Variants in UNC79 observed in about 807,000 individuals in gnomAD.
UNC79 encodes protein unc-79 homolog.
Under a neutral mutation model 283.1 loss-of-function variants are expected in UNC79, and 37 were observed. That is an observed-to-expected ratio of 0.13 (90% CI 0.10 to 0.17). The LOEUF (loss-of-function observed/expected upper bound fraction) is 0.17. UNC79 is among the 10% of genes least tolerant of loss of function. The pLI, the probability that UNC79 is intolerant of heterozygous loss-of-function variation, is 1.00. For missense variants in UNC79, 2,272 were observed against 3,211.1 expected (o/e 0.71, Z 7.07); for synonymous variants, 1,107 against 1,200.2 (o/e 0.92, Z 1.61).
chr14:93,337,085 T>G (rs1289266078), intron 1 of UNC79, among the ~76,000 whole-genome samples: 1 of 152,112 alleles, frequency 6.6e-6, no homozygotes, highest in Non-Finnish European at 1.5e-5. Context: ...GTCCACGACC[T>G]GGAGTGAGAA....
intron 1 of UNC79, among the ~76,000 whole-genome samples, chr14:93,445,191 A>G (rs2056427774): frequency 6.6e-6 from 1 of 152,222 alleles, no homozygotes; most frequent in African/African-American, 2.4e-5. Context: ...GTAGTTTAAA[A>G]AAAGAAAAAA....
intron 31 of UNC79, among the ~76,000 whole-genome samples, chr14:93,633,688 A>G (rs947570451): frequency 6.6e-6 from 1 of 152,212 alleles, no homozygotes; most frequent in African/African-American, 2.4e-5. Context: ...GAATAGGACC[A>G]GAGGAGACTG....
chr14:93,644,573 G>T (rs1245019019), intron 34 of UNC79, among the ~76,000 whole-genome samples: 2 of 152,076 alleles, frequency 1.3e-5, no homozygotes, highest in Non-Finnish European at 2.9e-5. Context: ...TGTAATGAGT[G>T]GAATGAGAGA....
At chr14:93,444,334 G>A (rs986657479) in intron 1 of UNC79, among the ~76,000 whole-genome samples, 8 of 151,994 alleles carry the variant, frequency 5.3e-5, no homozygotes, top group Non-Finnish European at 8.8e-5. Context: ...TATATATTCT[G>A]AATACAAGTT....
intron 7 of UNC79, among the ~76,000 whole-genome samples, chr14:93,517,093 G>C (rs1023762316): frequency 6.6e-6 from 1 of 151,652 alleles, no homozygotes; most frequent in South Asian, 2.1e-4. Flanking sequence ...GAGATTTTCT[G>C]TATACCTGAT....
chr14:93,435,553 T>G (rs2056054699), intron 1 of UNC79, among the ~76,000 whole-genome samples: 1 of 152,200 alleles, frequency 6.6e-6, no homozygotes, highest in African/African-American at 2.4e-5. Context: ...CCACAAACGT[T>G]TTTGGAAGTA....
intron 1 of UNC79, among the ~76,000 whole-genome samples, chr14:93,385,304 T>C (rs185600035): frequency 1.1e-3 from 164 of 152,340 alleles, no homozygotes; most frequent in Middle Eastern, 3.4e-3. Flanking sequence ...TCCATAAACA[T>C]GAAATCTCTT....
At chr14:93,496,501 A>G in intron 6 of UNC79, 35 bp downstream of exon 6, 1 of 1,448,248 alleles carries the variant, frequency 6.9e-7, no homozygotes, top group Non-Finnish European at 9.2e-7. Context: ...CATAGTCACA[A>G]ACTTAATTTG....
intron 1 of UNC79, among the ~76,000 whole-genome samples, chr14:93,415,625 A>T (rs1424358486): frequency 6.6e-6 from 1 of 152,034 alleles, no homozygotes; most frequent in East Asian, 1.9e-4. Flanking sequence ...CTCTGGTAGA[A>T]TTCGGCTGTG....
At chr14:93,445,387 C>T (rs1218193089) in intron 1 of UNC79, among the ~76,000 whole-genome samples, 1 of 152,122 alleles carries the variant, frequency 6.6e-6, no homozygotes, top group Non-Finnish European at 1.5e-5. Context: ...TTGTTCTTGA[C>T]CTTAGGTGGA....
intron 1 of UNC79, among the ~76,000 whole-genome samples, chr14:93,369,111 A>G (rs758995775): frequency 4.6e-5 from 7 of 152,236 alleles, no homozygotes; most frequent in Non-Finnish European, 8.8e-5. Flanking sequence ...AATGATTGCT[A>G]AATCACAACA....
chr14:93,607,680 T>G (rs942767258), intron 26 of UNC79, among the ~76,000 whole-genome samples: 4 of 152,124 alleles, frequency 2.6e-5, no homozygotes, highest in Non-Finnish European at 5.9e-5. Flanking sequence ...TATCCCCATC[T>G]CTCGTGGGAC....
chr14:93,593,701 C>G lies in UNC79; in HGVS notation c.3054C>G (p.Ser1018=), dbSNP rs143235409. Reference sequence around the variant, plus strand: ...CTAGCCTGTGGAGGGTCGTCAAATCCGAGTTCTCTCAGCTGTCTTCCCTGG... The same window carrying G: ...CTAGCCTGTGGAGGGTCGTCAAATCGGAGTTCTCTCAGCTGTCTTCCCTGG... Residue 1018 remains serine, a synonymous_variant, in exon 23 of 49, where the codon TCC becomes TCG. Coordinates refer to ENST00000555664, the Ensembl canonical transcript of UNC79. 3.7e-6 allele frequency: 6 copies of G among 1,612,380 alleles called. No homozygotes were observed. The African/African-American group carries it at 8.0e-5, about 22-fold the overall frequency.
At chr14:93,654,143 T>A in intron 37 of UNC79, 118 bp downstream of exon 40, 1 of 640,868 alleles carries the variant, frequency 1.6e-6, no homozygotes, top group South Asian at 4.1e-5. Context: ...ATTGCAATGT[T>A]ATTTAATTTA....
At chr14:93,423,945 A>G (rs1213583218) in intron 1 of UNC79, among the ~76,000 whole-genome samples, 1 of 152,348 alleles carries the variant, frequency 6.6e-6, no homozygotes, top group African/African-American at 2.4e-5. Context: ...AATGGGAGAA[A>G]ATATTTCAAA....
At chr14:93,672,444 A>T (rs1052026492) in intron 40 of UNC79, among the ~76,000 whole-genome samples, 1 of 152,216 alleles carries the variant, frequency 6.6e-6, no homozygotes, top group African/African-American at 2.4e-5. Context: ...TCTCACTTAT[A>T]TGGGGATGCT....
At chr14:93,529,245 T>C (rs1438366316) in intron 9 of UNC79, 41 bp from the exon 10 acceptor site, 1 of 1,610,198 alleles carries the variant, frequency 6.2e-7, no homozygotes, top group African/African-American at 1.3e-5. Flanking sequence ...AAGGAGAACA[T>C]TTCAATGAAG....
chr14:93,406,042 C>G (rs2055219093), intron 1 of UNC79, among the ~76,000 whole-genome samples: 1 of 152,098 alleles, frequency 6.6e-6, no homozygotes, highest in East Asian at 1.9e-4. Context: ...ACCTAAACTA[C>G]CAAGGAATAG....
chr14:93,551,486 C>T (rs1420470186), intron 14 of UNC79, among the ~76,000 whole-genome samples: 1 of 152,052 alleles, frequency 6.6e-6, no homozygotes, highest in Non-Finnish European at 1.5e-5. Flanking sequence ...AGTTATGGGT[C>T]ACCTGCTGGT....
Sources: gnomAD v4.1 joint callset for allele counts (sites outside exome capture counted in the v4.1 genomes callset) on GRCh38, gnomAD v4.1.1 for gene constraint, MANE v1.5 for transcripts, NCBI Gene and HGNC (gene_info 2026-07-23, HGNC 2026-07-21) for gene names.